CLIP4: variants seen among roughly 807,000 people sequenced by gnomAD.
CLIP4 encodes CAP-Gly domain containing linker protein family member 4.
A neutral mutation model predicts 73.1 loss-of-function variants in CLIP4; 47 were observed. The ratio of observed to expected loss-of-function variants is 0.64; its 90% CI spans 0.51 to 0.82. The LOEUF is 0.82. Among genes scored for constraint, CLIP4 ranks in the 40% least tolerant of loss-of-function variants. CLIP4 has a pLI of 0.00. For synonymous variants in CLIP4, 306 were observed against 295.4 expected, an observed-to-expected ratio of 1.04 and a Z score of -0.37; for missense variants, 874 against 852.9, an observed-to-expected ratio of 1.02 and a Z score of -0.31.
intron 9 of CLIP4, among the ~76,000 whole-genome samples, chr2:29,153,267 TCTATGGAAGAA>T (rs1317813122): frequency 6.6e-6 from 1 of 152,250 alleles, no homozygotes; most frequent in African/African-American, 2.4e-5. Flanking sequence ...CTATGGAAGT[TCTATGGAAGAA>T]CTATGGAAGA....
At chr2:29,166,189 G>C (rs1280401319) in intron 13 of CLIP4, among the ~76,000 whole-genome samples, 2 of 152,098 alleles carry the variant, frequency 1.3e-5, no homozygotes, top group Non-Finnish European at 2.9e-5. Context: ...ACTCTTGAAA[G>C]ATACCACTGA....
At chr2:29,154,162 C>G (rs1239007135) in intron 9 of CLIP4, among the ~76,000 whole-genome samples, 1 of 152,096 alleles carries the variant, frequency 6.6e-6, no homozygotes, top group East Asian at 1.9e-4. Flanking sequence ...GGTAGGTACT[C>G]CATACTTTTT....
intron 9 of CLIP4, among the ~76,000 whole-genome samples, chr2:29,155,050 A>G (rs1180543648): frequency 6.6e-6 from 1 of 152,236 alleles, no homozygotes; most frequent in Non-Finnish European, 1.5e-5. Flanking sequence ...CTTACAAGGA[A>G]AAAGACAGTC....
intron 2 of CLIP4, among the ~76,000 whole-genome samples, chr2:29,129,401 G>GT (rs1664820089): frequency 6.6e-6 from 1 of 151,874 alleles, no homozygotes; most frequent in Non-Finnish European, 1.5e-5. Context: ...ATAAGCACTT[G>GT]TTTTTACTTA....
At position 29,134,022 on chromosome 2, in the gene CLIP4, C is replaced by A. The variant is rs549902757; in HGVS notation, c.529+206C>A. 5.2e-3 allele frequency among the ~76,000 whole-genome samples: 789 copies of A among 152,166 alleles called. 3 individuals are homozygous for A. Among genetic ancestry groups the A allele is most frequent in the Non-Finnish European group, 8.4e-3 (572 of 67,986 alleles). On this transcript the variant is annotated intron_variant, in intron 5 of 15. Coordinates refer to ENST00000320081, the MANE Select transcript of CLIP4 (RefSeq NM_024692.6). ...ACAAAAGGATTAGTACAGAGAGATACAAAATGAAAGAGTGTTCTCTGGGTT... is the reference window on the plus strand; with the variant it reads ...ACAAAAGGATTAGTACAGAGAGATAAAAAATGAAAGAGTGTTCTCTGGGTT...
At chr2:29,124,468 G>A (rs958495623) in intron 2 of CLIP4, among the ~76,000 whole-genome samples, 1 of 152,040 alleles carries the variant, frequency 6.6e-6, no homozygotes, top group Non-Finnish European at 1.5e-5. Flanking sequence ...GCTTGGGTTT[G>A]GTTGAGCTGC....
intron 8 of CLIP4, among the ~76,000 whole-genome samples, chr2:29,151,148 T>A (rs1369923048): frequency 6.6e-6 from 1 of 152,128 alleles, no homozygotes; most frequent in East Asian, 1.9e-4. Flanking sequence ...TGTGATTGGG[T>A]CATTGTAGTA....
rs145700846 is a variant in CLIP4 at position 29,133,689 on chromosome 2, G to C, written c.402G>C (p.Gln134His). ...AAACAGCTGTAAAATTTGCAACTCA[G>C]CTTATTGACCTGGGAGCAGACATTA... ...DVETAVKFATQLIDLGADISL... is the reference protein window; with the variant it reads ...DVETAVKFATHLIDLGADISL... Residue 134 changes from glutamine (Q) to histidine (H), a missense_variant, in exon 5 of 16, where the codon CAG becomes CAC. Physicochemically the swap from Gln to His is conservative, Grantham distance 24. Coordinates refer to ENST00000320081, the MANE Select transcript of CLIP4 (RefSeq NM_024692.6). 5 of 1,612,762 alleles carry C rather than the reference G, an allele frequency of 3.1e-6. No individual in the cohort carries two copies. The highest frequency in any genetic ancestry group is 4.2e-6 in the Non-Finnish European group (5 of 1,179,614).
In CLIP4 at chr2:29,145,302, A is replaced by G; in HGVS notation, c.956A>G (p.Glu319Gly). Residue 319 changes from glutamate to glycine, a missense_variant, in exon 8 of 16, where the codon GAA becomes GGA. Transcript: ENST00000320081. ...CAGTGGGCTGGCATTGAACTGGATG[A>G]ACCAGAAGGAAAAAATAATGGAAGT... ...SGQWAGIELD[E>G]PEGKNNGSVG... The G allele has an allele frequency of 1.9e-6, 3 of 1,613,668 alleles. No individual in the cohort carries two copies. The South Asian group carries it at 3.3e-5, about 18-fold the overall frequency.
Position 29,174,291 on chromosome 2 carries a change from C to T in CLIP4, c.1724-82C>T, listed in dbSNP as rs191067526. On this transcript the variant is annotated intron_variant, in intron 14 of 15. Transcript: ENST00000320081. Reference sequence around the variant, plus strand: ...AACATTTAATATAATAGAACATCTACAGAAGAAGTGATAAAATATCATTTT... The same window carrying T: ...AACATTTAATATAATAGAACATCTATAGAAGAAGTGATAAAATATCATTTT... 2.5e-5 allele frequency: 29 copies of T among 1,154,916 alleles called. No individual in the cohort carries two copies. The Admixed American group carries it at 5.4e-4, about 22-fold the overall frequency. 71.5% of individuals were successfully genotyped at this position (1,154,916 alleles called of 1,614,324 possible).
intron 2 of CLIP4, among the ~76,000 whole-genome samples, chr2:29,124,579 A>G (rs1267094591): frequency 7.6e-6 from 1 of 131,876 alleles, no homozygotes; most frequent in Non-Finnish European, 1.7e-5. Context: ...CATGTATATT[A>G]TAGACTGCTT....
intron 14 of CLIP4, among the ~76,000 whole-genome samples, chr2:29,168,929 T>C (rs1215056397): frequency 6.6e-6 from 1 of 152,198 alleles, no homozygotes; most frequent in Non-Finnish European, 1.5e-5. Context: ...TGTGTCAGTT[T>C]ACTCAGAATT....
At chr2:29,156,140 A>G (rs1354909985) in intron 9 of CLIP4, among the ~76,000 whole-genome samples, 8 of 152,194 alleles carry the variant, frequency 5.3e-5, no homozygotes, top group African/African-American at 1.9e-4. Context: ...TCTTGATGAG[A>G]CATTAATTGA....
At chr2:29,137,054 C>G (rs3099563) in intron 6 of CLIP4, among the ~76,000 whole-genome samples, 22,472 of 151,572 alleles carry the variant, frequency 0.15, 2,051 homozygotes, top group Middle Eastern at 0.24. Context: ...ATATTAGATT[C>G]AGGGAGTATA....
intron 8 of CLIP4, among the ~76,000 whole-genome samples, chr2:29,150,707 G>A (rs1273530754): frequency 7.5e-6 from 1 of 134,192 alleles, no homozygotes; most frequent in Non-Finnish European, 1.5e-5. Context: ...CTGGAGTGCA[G>A]TGGCCTCCCA....
chr2:29,181,191 A>C (rs1366833065), intron 15 of CLIP4, among the ~76,000 whole-genome samples: 1 of 152,240 alleles, frequency 6.6e-6, no homozygotes, highest in Non-Finnish European at 1.5e-5. Context: ...AAAAAATGTT[A>C]AAGTCATAGG....
intron 14 of CLIP4, among the ~76,000 whole-genome samples, chr2:29,168,966 T>A (rs1006360364): frequency 6.6e-6 from 1 of 152,146 alleles, no homozygotes; most frequent in African/African-American, 2.4e-5. Context: ...AGTATCTAAT[T>A]TCTTTTTTTT....
intron 14 of CLIP4, among the ~76,000 whole-genome samples, 192 bp from the exon 15 acceptor site, chr2:29,174,181 A>G (rs1191816442): frequency 6.6e-6 from 1 of 151,974 alleles, no homozygotes; most frequent in Non-Finnish European, 1.5e-5. Context: ...TTGAACTCCT[A>G]AGTTCAAGCA....
At chr2:29,136,710 G>T (rs550372595) in intron 6 of CLIP4, among the ~76,000 whole-genome samples, 15 of 152,220 alleles carry the variant, frequency 9.9e-5, no homozygotes, top group Admixed American at 9.2e-4. Flanking sequence ...ACTGAAGGGA[G>T]GGTGAGGAAA....
Sources: gnomAD v4.1 joint callset for allele counts (sites outside exome capture counted in the v4.1 genomes callset) on GRCh38, gnomAD v4.1.1 for gene constraint, MANE v1.5 for transcripts, NCBI Gene and HGNC (gene_info 2026-07-23, HGNC 2026-07-21) for gene names.